The following FAAH2 variants were observed in gnomAD, a reference collection of about 807,000 sequenced individuals.
The protein encoded by FAAH2 is fatty acid amide hydrolase 2.
Under a neutral mutation model 36.9 loss-of-function variants are expected in FAAH2, and 60 were observed. That is an observed-to-expected ratio of 1.63 (90% CI 1.32 to 2.02). The LOEUF (loss-of-function observed/expected upper bound fraction) is 2.02. FAAH2 is among the 30% of genes most tolerant of loss of function. The pLI is 0.00. For missense variants in FAAH2, 689 were observed against 397.5 expected (o/e 1.73, Z -6.23); for synonymous variants, 214 against 143.8 (o/e 1.49, Z -3.49).
intron 7 of FAAH2, among the ~76,000 whole-genome samples, chrX:57,395,898 T>G (rs1171585265): frequency 8.9e-6 from 1 of 112,154 alleles, no homozygotes; most frequent in Non-Finnish European, 1.9e-5. Flanking sequence ...CCTTGATTTT[T>G]TGGCATAATT....
the FAAH2 span, among the ~76,000 whole-genome samples, chrX:57,125,103 C>T: frequency 8.9e-6 from 1 of 112,606 alleles, no homozygotes; most frequent in Non-Finnish European, 1.9e-5. Context: ...GGGAATGCTT[C>T]CAGTTTTTGC....
intron 7 of FAAH2, among the ~76,000 whole-genome samples, chrX:57,421,677 G>A (rs1409259995): frequency 1.8e-5 from 2 of 111,522 alleles, no homozygotes; most frequent in Admixed American, 9.6e-5. Flanking sequence ...TCACATTAAG[G>A]GTTAGGGTTG....
At chrX:57,441,315 C>T (rs1466813893) in intron 8 of FAAH2, among the ~76,000 whole-genome samples, 1 of 111,139 alleles carries the variant, frequency 9.0e-6, no homozygotes, top group East Asian at 2.8e-4. Context: ...CAAATTCTTC[C>T]TAGTTTAGTC....
the FAAH2 span, among the ~76,000 whole-genome samples, chrX:57,162,608 A>T: frequency 9.0e-6 from 1 of 110,588 alleles, no homozygotes; most frequent in Admixed American, 9.6e-5. Context: ...CATTTCATTC[A>T]TTTCATCCTC....
At chrX:57,244,075 A>T in the FAAH2 span, among the ~76,000 whole-genome samples, 1 of 108,500 alleles carries the variant, frequency 9.2e-6, no homozygotes, top group African/African-American at 3.4e-5. Flanking sequence ...GCTGAAAAAC[A>T]TAGCATGAGA....
At chrX:57,355,810 T>C (rs1202985800) in intron 5 of FAAH2, among the ~76,000 whole-genome samples, 1 of 111,302 alleles carries the variant, frequency 9.0e-6, no homozygotes, top group Non-Finnish European at 1.9e-5. Context: ...TGACTAGAAC[T>C]TTCAGTTTTA....
chrX:57,262,642 T>G, the FAAH2 span, among the ~76,000 whole-genome samples: 2 of 111,512 alleles, frequency 1.8e-5, no homozygotes, highest in African/African-American at 6.5e-5. Flanking sequence ...TGATAACAAA[T>G]CTAAATAAAG....
the FAAH2 span, among the ~76,000 whole-genome samples, chrX:57,264,689 C>T: frequency 6.2e-5 from 7 of 112,438 alleles, no homozygotes; most frequent in South Asian, 3.7e-4. Context: ...TGGGTATATA[C>T]CCAAAAGTAC....
At chrX:57,347,929 C>T (rs1446518285) in intron 5 of FAAH2, among the ~76,000 whole-genome samples, 1 of 110,352 alleles carries the variant, frequency 9.1e-6, no homozygotes, top group Admixed American at 9.7e-5. Flanking sequence ...TACTCAACAA[C>T]GTGACTCTTC....
At chrX:57,467,793 C>A (rs2057078800) in intron 10 of FAAH2, among the ~76,000 whole-genome samples, 1 of 111,977 alleles carries the variant, frequency 8.9e-6, no homozygotes, top group African/African-American at 3.2e-5. Flanking sequence ...AACGGACAGA[C>A]TGCCTCCTCA....
the FAAH2 span, chrX:57,229,012 T>G: frequency 8.9e-6 from 1 of 111,819 alleles, no homozygotes; most frequent in African/African-American, 3.3e-5. Context: ...TTCTCCTCCT[T>G]TGTTCCCCTT....
intron 3 of FAAH2, among the ~76,000 whole-genome samples, chrX:57,322,252 A>T (rs895888439): frequency 1.8e-5 from 2 of 111,545 alleles, no homozygotes; most frequent in African/African-American, 6.5e-5. Context: ...GGCCTCCCAA[A>T]GTGCTGGGAT....
chrX:57,300,536 G>T (rs1377782996), intron 2 of FAAH2, among the ~76,000 whole-genome samples: 1 of 111,716 alleles, frequency 9.0e-6, no homozygotes, highest in African/African-American at 3.3e-5. Context: ...TACCATTCAG[G>T]ACATAGGCAT....
At chrX:57,479,618 T>A (rs1375734681) in intron 10 of FAAH2, among the ~76,000 whole-genome samples, 1 of 111,559 alleles carries the variant, frequency 9.0e-6, no homozygotes, top group East Asian at 2.8e-4. Context: ...ATATTGGCTG[T>A]GGGTTTGTCA....
chrX:57,422,533 G>C (rs1292400501), intron 7 of FAAH2, among the ~76,000 whole-genome samples: 1 of 111,994 alleles, frequency 8.9e-6, no homozygotes, highest in Admixed American at 9.5e-5. Context: ...ATAATCGCAA[G>C]ATGGTTTCAT....
chrX:57,408,067 TAA>T (rs2055611216), intron 7 of FAAH2, among the ~76,000 whole-genome samples: 1 of 111,570 alleles, frequency 9.0e-6, no homozygotes, highest in South Asian at 3.7e-4. Flanking sequence ...AATATAATTT[TAA>T]GTTAGGAAGT....
intron 3 of FAAH2, among the ~76,000 whole-genome samples, chrX:57,323,829 A>G (rs1417042037): frequency 8.2e-5 from 9 of 110,035 alleles, no homozygotes; most frequent in Admixed American, 7.8e-4. Flanking sequence ...TGCTGTGCAG[A>G]AGCTCTTTAG....
At chrX:57,190,062 CT>C in the FAAH2 span, among the ~76,000 whole-genome samples, 1 of 111,774 alleles carries the variant, frequency 8.9e-6, no homozygotes, top group African/African-American at 3.3e-5. Context: ...CTATAACCCC[CT>C]GACTGGGGCT....
chrX:57,133,644 GGAGAT>G, the FAAH2 span, among the ~76,000 whole-genome samples: 2 of 111,441 alleles, frequency 1.8e-5, no homozygotes, highest in African/African-American at 6.5e-5. Context: ...TTCAATTTCA[GGAGAT>G]ACCAGAGACA....
Sources: gnomAD v4.1 joint callset for allele counts (sites outside exome capture counted in the v4.1 genomes callset) on GRCh38, gnomAD v4.1.1 for gene constraint, MANE v1.5 for transcripts, NCBI Gene and HGNC (gene_info 2026-07-23, HGNC 2026-07-21) for gene names.